TAMM41: variants seen among roughly 807,000 people sequenced by gnomAD.
TAMM41 encodes the protein TAM41 mitochondrial translocator assembly and maintenance homolog, also known as phosphatidate cytidylyltransferase, mitochondrial.
TAMM41 carries 36 observed loss-of-function variants against 44.1 expected under a neutral mutation model. The observed-to-expected ratio is 0.82, with a 90% CI of 0.63 to 1.08. The LOEUF (loss-of-function observed/expected upper bound fraction) is 1.08, where lower values mean the gene tolerates loss of function less well. Ranked by LOEUF, TAMM41 falls within the 50% of genes least tolerant of loss-of-function variation. The probability of loss-of-function intolerance (pLI) is 0.00; values close to 1 mark genes in which losing one functional copy is unlikely to be tolerated. For missense variants in TAMM41, 417 were observed against 404.3 expected (o/e 1.03, Z -0.27); for synonymous variants, 164 against 153.1 (o/e 1.07, Z -0.53).
At chr3:11,797,588 T>G (rs2077636251) in intron 7 of TAMM41, among the ~76,000 whole-genome samples, 1 of 152,152 alleles carries the variant, frequency 6.6e-6, no homozygotes, top group Non-Finnish European at 1.5e-5. Context: ...GGCAAACATT[T>G]CCTGACAAAG....
the TAMM41 span, among the ~76,000 whole-genome samples, chr3:11,764,788 G>A: frequency 8.6e-5 from 13 of 152,008 alleles, no homozygotes; most frequent in Non-Finnish European, 1.8e-4. Context: ...CACTGCACCC[G>A]GCCCATCTTA....
chr3:11,730,273 T>C, the TAMM41 span, among the ~76,000 whole-genome samples: 3 of 151,584 alleles, frequency 2.0e-5, no homozygotes, highest in Admixed American at 2.0e-4. Flanking sequence ...ATACAAAAAT[T>C]AGCCAGGTGT....
At chr3:11,729,258 G>A in the TAMM41 span, among the ~76,000 whole-genome samples, 2 of 151,966 alleles carry the variant, frequency 1.3e-5, no homozygotes, top group Non-Finnish European at 2.9e-5. Context: ...TATTCTTGCT[G>A]TCTTTCCTAT....
At chr3:11,754,158 C>G in the TAMM41 span, among the ~76,000 whole-genome samples, 1 of 152,108 alleles carries the variant, frequency 6.6e-6, no homozygotes, top group Non-Finnish European at 1.5e-5. Flanking sequence ...CAAACACTGG[C>G]AGGACCCTCT....
chr3:11,755,946 G>T, the TAMM41 span, among the ~76,000 whole-genome samples: 15 of 152,028 alleles, frequency 9.9e-5, no homozygotes, highest in Non-Finnish European at 1.9e-4. Flanking sequence ...ATAATGGGGG[G>T]CAAAACATGT....
At chr3:11,786,303 TA>T (rs1197550095), downstream of TAMM41, among the ~76,000 whole-genome samples, 14 of 147,244 alleles carry the variant, frequency 9.5e-5, no homozygotes, top group African/African-American at 3.2e-4. Flanking sequence ...TTATTATTAT[TA>T]TTATTATTAT....
intron 7 of TAMM41, among the ~76,000 whole-genome samples, chr3:11,791,631 T>C (rs1256795477): frequency 6.6e-6 from 1 of 152,154 alleles, no homozygotes; most frequent in East Asian, 1.9e-4. Flanking sequence ...GGTAACAGGT[T>C]TCGCTCTGGA....
At chr3:11,813,991 T>TAC (rs35804902) in intron 5 of TAMM41, among the ~76,000 whole-genome samples, 45,051 of 145,738 alleles carry the variant, frequency 0.31, 7,980 homozygotes, top group Non-Finnish European at 0.4. Context: ...CACCTGTGTA[T>TAC]ACACACACAC....
At chr3:11,766,693 T>C in the TAMM41 span, among the ~76,000 whole-genome samples, 1 of 151,250 alleles carries the variant, frequency 6.6e-6, no homozygotes, top group Non-Finnish European at 1.5e-5. Flanking sequence ...CAGCCTCCCT[T>C]GTAGCTGGGA....
intron 7 of TAMM41, among the ~76,000 whole-genome samples, chr3:11,790,955 C>T (rs2077464270): frequency 6.6e-6 from 1 of 152,214 alleles, no homozygotes; most frequent in Non-Finnish European, 1.5e-5. Flanking sequence ...TCCAACCCCA[C>T]CTCACTGTCT....
the TAMM41 span, among the ~76,000 whole-genome samples, chr3:11,782,048 G>C: frequency 6.6e-6 from 1 of 151,518 alleles, no homozygotes; most frequent in South Asian, 2.1e-4. Context: ...TTAGCTGCAT[G>C]GCCAGTGATG....
the TAMM41 span, among the ~76,000 whole-genome samples, chr3:11,777,352 G>A: frequency 6.6e-6 from 1 of 152,206 alleles, no homozygotes; most frequent in Non-Finnish European, 1.5e-5. Context: ...GCTAAAAAAT[G>A]GTTTGGGCAT....
chr3:11,793,618 T>G (rs1470191834), intron 7 of TAMM41, among the ~76,000 whole-genome samples: 1 of 152,196 alleles, frequency 6.6e-6, no homozygotes, highest in Non-Finnish European at 1.5e-5. Context: ...ATGGATACAT[T>G]GCGGTATATT....
intron 5 of TAMM41, 83 bp downstream of exon 5, chr3:11,817,109 T>C: frequency 7.0e-7 from 1 of 1,424,514 alleles, no homozygotes; most frequent in Non-Finnish European, 9.6e-7. Context: ...CTCACACCAG[T>C]CATGCTGTTC....
the TAMM41 span, among the ~76,000 whole-genome samples, chr3:11,754,423 G>C: frequency 6.6e-6 from 1 of 152,028 alleles, no homozygotes; most frequent in African/African-American, 2.4e-5. Flanking sequence ...ACCCAGGCTG[G>C]AGTGCAGTGG....
chr3:11,844,553 GC>G (rs1291511970), intron 1 of TAMM41, among the ~76,000 whole-genome samples: 1 of 152,154 alleles, frequency 6.6e-6, no homozygotes, highest in Non-Finnish European at 1.5e-5. Context: ...GATGCTCTTT[GC>G]CCAAGGACAC....
chr3:11,754,535 T>TA, the TAMM41 span, among the ~76,000 whole-genome samples: 12 of 115,344 alleles, frequency 1.0e-4, no homozygotes, highest in African/African-American at 3.3e-4. Context: ...TGGCTGATTT[T>TA]TAAAAAAATT....
chr3:11,754,412 A>T, the TAMM41 span, among the ~76,000 whole-genome samples: 1,510 of 152,112 alleles, frequency 9.9e-3, 32 homozygotes, highest in African/African-American at 0.035. Flanking sequence ...CTCGCTCTAT[A>T]ACCCAGGCTG....
At chr3:11,791,816 T>C (rs2077484376) in intron 7 of TAMM41, among the ~76,000 whole-genome samples, 2 of 152,232 alleles carry the variant, frequency 1.3e-5, no homozygotes, top group African/African-American at 4.8e-5. Flanking sequence ...ACCAGCTGAC[T>C]ACTTGCAAAC....
Sources: allele counts gnomAD v4.1 joint callset (sites outside exome capture counted in the v4.1 genomes callset), GRCh38; gene constraint gnomAD v4.1.1; transcripts MANE v1.5; gene names NCBI Gene and HGNC (gene_info 2026-07-23, HGNC 2026-07-21).